ART3: variants seen among roughly 807,000 people sequenced by gnomAD.
ART3 encodes ecto-ADP-ribosyltransferase 3.
ART3 carries 49 observed loss-of-function variants against 48.5 expected under a neutral mutation model. The ratio of observed to expected loss-of-function variants is 1.01; its 90% CI spans 0.80 to 1.28. The LOEUF (loss-of-function observed/expected upper bound fraction) is 1.28, where lower values mean the gene tolerates loss of function less well. Among genes scored for constraint, ART3 ranks in the 50% most tolerant of loss-of-function variants. The pLI, the probability that ART3 is intolerant of heterozygous loss-of-function variation, is 0.00. For missense variants in ART3, 438 were observed against 454.3 expected (o/e 0.96, Z 0.33); for synonymous variants, 145 against 157.2 (o/e 0.92, Z 0.58).
chr4:76,106,036 TA>T (rs1728394706), intron 10 of ART3: 1 of 985,240 alleles, frequency 1.0e-6, no homozygotes, highest in African/African-American at 1.7e-5. Flanking sequence ...TGTAGCTTTT[TA>T]AAAGGTGATG....
At position 76,065,552 on chromosome 4, in the gene ART3, A is replaced by AAC. The variant is rs56794781; in HGVS notation, c.-9-10304_-9-10303dup. Among the ~76,000 whole-genome samples, 1,196 of 145,344 alleles carry AAC rather than the reference A, an allele frequency of 8.2e-3. 6 individuals are homozygous for AAC. Among genetic ancestry groups the AAC allele is most frequent in the African/African-American group, 0.012 (449 of 38,842 alleles). On this transcript the variant is annotated intron_variant, in intron 1 of 9. Transcript: ENST00000341029. ...CTCCCACACTCTGATATAACCCTCC[A>AAC]ACACACACACACACACACACACACA... is the stretch of plus-strand genomic sequence containing the variant.
Position 76,112,729 on chromosome 4 carries a change from A to T in ART3, c.*210A>T. ...CACTTGTATACTACTCTTACAATGG[A>T]AAAAAATCCCGAAAACTGTATACTT... is the stretch of plus-strand genomic sequence containing the variant. On this transcript the variant is annotated 3_prime_UTR_variant, in exon 12 of 12. Coordinates refer to ENST00000355810, the MANE Select transcript of ART3 (RefSeq NM_001130016.3). 2.3e-6 allele frequency: 1 copy of T among 435,560 alleles called. No homozygotes were observed. The highest frequency in any genetic ancestry group is 3.9e-6 in the Non-Finnish European group (1 of 255,286). 27.0% of individuals were successfully genotyped at this position (435,560 alleles called of 1,614,324 possible).
At chr4:76,108,608 C>T (rs1208409717) in intron 11 of ART3, among the ~76,000 whole-genome samples, 2 of 147,564 alleles carry the variant, frequency 1.4e-5, no homozygotes, top group Non-Finnish European at 3.0e-5. Context: ...CCTCTTGGGG[C>T]AGTAATGCCC....
intron 3 of ART3, among the ~76,000 whole-genome samples, chr4:76,095,623 C>T (rs1340907303): frequency 6.6e-6 from 1 of 152,210 alleles, no homozygotes; most frequent in Non-Finnish European, 1.5e-5. Flanking sequence ...GATCACAAGG[C>T]ATCCCCCTCT....
intron 1 of ART3, among the ~76,000 whole-genome samples, chr4:76,031,386 G>A (rs915330767): frequency 5.3e-5 from 8 of 152,100 alleles, no homozygotes; most frequent in African/African-American, 1.9e-4. Context: ...AAGATGATAT[G>A]AGAATGCCTT....
chr4:76,032,031 G>A (rs890265359), intron 1 of ART3, among the ~76,000 whole-genome samples: 7 of 152,168 alleles, frequency 4.6e-5, no homozygotes, highest in Non-Finnish European at 8.8e-5. Context: ...AGAGAGAATA[G>A]TATGTGCAAA....
intron 3 of ART3, 126 bp downstream of exon 3, chr4:76,082,661 TTCATACTA>T: frequency 1.4e-6 from 1 of 696,556 alleles, no homozygotes; most frequent in Non-Finnish European, 2.3e-6. Flanking sequence ...TCTAGCTTCT[TTCATACTA>T]TCTCTTTACC....
At chr4:76,097,780 ACAT>A (rs1356989368) in intron 4 of ART3, 104 bp downstream of exon 4, 12 of 923,622 alleles carry the variant, frequency 1.3e-5, no homozygotes, top group African/African-American at 3.3e-5. Context: ...GTTCTGTCAA[ACAT>A]CATTTTCTCA....
chr4:76,047,326 G>A (rs1198879370), intron 1 of ART3, among the ~76,000 whole-genome samples: 3 of 151,788 alleles, frequency 2.0e-5, no homozygotes, highest in Non-Finnish European at 4.4e-5. Context: ...GTTCCTCTTG[G>A]TCCCTATTAT....
At chr4:76,021,767 G>A (rs1277136537) in intron 1 of ART3, 2 of 714,364 alleles carry the variant, frequency 2.8e-6, no homozygotes, top group African/African-American at 3.5e-5. Context: ...TACAGGAGTA[G>A]TAGCAGCTGA....
intron 1 of ART3, among the ~76,000 whole-genome samples, chr4:76,075,434 A>C (rs1336592491): frequency 6.6e-6 from 1 of 152,186 alleles, no homozygotes; most frequent in South Asian, 2.1e-4. Context: ...AGAAGAATGG[A>C]TAATGTGCAT....
At chr4:76,097,603 A>G (rs376861880) in intron 3 of ART3, 41 bp from the exon 4 acceptor site, 10 of 1,505,778 alleles carry the variant, frequency 6.6e-6, no homozygotes, top group Non-Finnish European at 9.2e-6. Flanking sequence ...TTACTAGGGT[A>G]TATTATGTCT....
At chr4:76,074,626 T>G (rs1259565841), upstream of ART3, 2 of 152,124 alleles carry the variant, frequency 1.3e-5, no homozygotes, top group Non-Finnish European at 2.9e-5. Flanking sequence ...CAGATATAAA[T>G]AGCAGAACAC....
At chr4:76,024,952 A>G (rs1733238850) in intron 1 of ART3, among the ~76,000 whole-genome samples, 1 of 152,232 alleles carries the variant, frequency 6.6e-6, no homozygotes, top group Admixed American at 6.5e-5. Flanking sequence ...GAACTCCATC[A>G]TTAAAGCAGA....
At chr4:76,020,344 T>G (rs544774087) in intron 1 of ART3, among the ~76,000 whole-genome samples, 1 of 152,198 alleles carries the variant, frequency 6.6e-6, no homozygotes, top group African/African-American at 2.4e-5. Flanking sequence ...GAAATCCTCC[T>G]GCCTTGGCTT....
At chr4:76,054,906 A>C (rs1351543121) in intron 1 of ART3, among the ~76,000 whole-genome samples, 1 of 152,214 alleles carries the variant, frequency 6.6e-6, no homozygotes, top group Non-Finnish European at 1.5e-5. Flanking sequence ...TTTTCCTTGT[A>C]ATGAAAAGCC....
rs757002822 is a variant in ART3 at position 76,082,033 on chromosome 4, C to T, written c.279C>T (p.Asn93=). 6.8e-6 allele frequency: 11 copies of T among 1,614,100 alleles called. No individual in the cohort carries two copies. In the African/African-American group the frequency reaches 1.2e-4, roughly 18 times the overall value. The change falls in exon 3 of 12, where the codon AAC becomes AAT. Residue 93 remains asparagine, a synonymous_variant. Transcript: ENST00000355810. ...TTCTCCCTATGAATTTTAAGGATAA[C>T]CATGGAATAGCCCTGATGGCATATA... ...QIFLPMNFKD[N]HGIALMAYIS...
rs1182981963 is a variant in ART3, at chr4:76,104,476, C to T, written c.971-121C>T. 7.4e-6 allele frequency: 11 copies of T among 1,485,052 alleles called. No homozygotes were observed. In the East Asian group the frequency reaches 2.0e-4, roughly 27 times the overall value. The allele number at this position is 1,485,052 out of a possible 1,614,324, so 92.0% of individuals were successfully genotyped here. A position where few individuals can be genotyped will look rare whatever the true frequency, so the allele number is the denominator to read the frequency against. ...TAAGCAGAACTTTTAAATAAAAAGC[C>T]AGAAACTATAGTGCATTGGGGCCTT... On this transcript the variant is annotated intron_variant, in intron 9 of 11. Transcript: ENST00000355810.
intron 3 of ART3, among the ~76,000 whole-genome samples, chr4:76,093,565 A>C (rs377344812): frequency 3.9e-5 from 6 of 152,346 alleles, no homozygotes; most frequent in African/African-American, 1.4e-4. Flanking sequence ...AAAATCCAAG[A>C]TAATTGCCCC....
Sources: allele counts gnomAD v4.1 joint callset (sites outside exome capture counted in the v4.1 genomes callset), GRCh38; gene constraint gnomAD v4.1.1; transcripts MANE v1.5; gene names NCBI Gene and HGNC (gene_info 2026-07-23, HGNC 2026-07-21).